MYO1A: variants seen among roughly 807,000 people sequenced by gnomAD.
MYO1A encodes unconventional myosin-Ia.
A neutral mutation model predicts 138.5 loss-of-function variants in MYO1A; 127 were observed. That is an observed-to-expected ratio of 0.92 (90% confidence interval 0.79 to 1.06). The LOEUF (loss-of-function observed/expected upper bound fraction) is 1.06. MYO1A is among the 50% of genes least tolerant of loss of function. The pLI is 0.00. For synonymous variants in MYO1A, 477 were observed against 497.5 expected, an observed-to-expected ratio of 0.96 and a Z score of 0.55; for missense variants, 1,211 against 1,288.8, an observed-to-expected ratio of 0.94 and a Z score of 0.92.
chr12:57,034,762 A>T (rs2030451106), intron 22 of MYO1A, among the ~76,000 whole-genome samples: 1 of 152,138 alleles, frequency 6.6e-6, no homozygotes, highest in Non-Finnish European at 1.5e-5. Flanking sequence ...TGAGGTCAGG[A>T]GTTCAAGACC....
chr12:57,031,402 C>T (rs755469337), intron 22 of MYO1A, among the ~76,000 whole-genome samples: 6 of 152,052 alleles, frequency 3.9e-5, no homozygotes, highest in South Asian at 2.1e-4. Context: ...AGGGAGAGAA[C>T]GATTAGTTCC....
chr12:57,033,775 A>G (rs1255442821), intron 22 of MYO1A, among the ~76,000 whole-genome samples: 2 of 152,232 alleles, frequency 1.3e-5, no homozygotes, highest in African/African-American at 4.8e-5. Flanking sequence ...TTTTTATGAA[A>G]AAGTTTTACT....
chr12:57,043,425 T>C, intron 10 of MYO1A, 67 bp from the exon 11 acceptor site: 3 of 1,477,114 alleles, frequency 2.0e-6, no homozygotes, highest in African/African-American at 1.4e-5. Flanking sequence ...GAGTGCAATC[T>C]GATAAGTGAA....
rs1419157174 is a variant in MYO1A, at chr12:57,044,156, C to T, written c.694G>A (p.Val232Ile). 3.7e-6 allele frequency: 6 copies of T among 1,614,220 alleles called. No homozygotes were observed. Among genetic ancestry groups the T allele is most frequent in the Admixed American group, 3.3e-5 (2 of 60,030 alleles). The change falls in exon 9 of 28, where the codon GTA becomes ATA. Residue 232 changes from valine to isoleucine, a missense_variant. Coordinates refer to ENST00000300119, the MANE Select transcript of MYO1A (RefSeq NM_005379.4). ...TTGYAYLNHE[V>I]SRVDGMDDAS... ...TCGTCCATGCCATCCACTCTGGATA[C>T]TTCATGATTCAGATAGGCATAGCCA...
At chr12:57,041,529 A>AG in intron 12 of MYO1A, 32 bp from the exon 13 acceptor site, 3 of 1,585,134 alleles carry the variant, frequency 1.9e-6, no homozygotes, top group Non-Finnish European at 2.6e-6. Flanking sequence ...ATCTGAGGAC[A>AG]GGCCCCCTCT....
At chr12:57,029,975 C>T (rs562296867) in intron 24 of MYO1A, 103 bp from the exon 25 acceptor site, 115 of 1,557,920 alleles carry the variant, frequency 7.4e-5, no homozygotes, top group Middle Eastern at 1.7e-4. Flanking sequence ...CCCACATCCA[C>T]GTATCCTCTG....
At position 57,036,858 on chromosome 12, in the gene MYO1A, GT is replaced by G; in HGVS notation, c.2206-19del. The G allele has an allele frequency of 6.2e-7, 1 of 1,614,158 alleles. No individual in the cohort carries two copies. The highest frequency in any genetic ancestry group is 8.5e-7 in the Non-Finnish European group (1 of 1,180,016). ...TTCTTTTGCTGTAGAAAACATAGGA[GT>G]TGTTAGAAAAATGGCACCTCCTGAG... On this transcript the variant is annotated intron_variant, in intron 20 of 27. Coordinates refer to ENST00000300119, the MANE Select transcript of MYO1A (RefSeq NM_005379.4).
intron 8 of MYO1A, 113 bp from the exon 9 acceptor site, chr12:57,044,322 T>C (rs763957407): frequency 3.5e-6 from 3 of 858,312 alleles, no homozygotes; most frequent in Admixed American, 2.0e-5. Flanking sequence ...TCCAAAGGAG[T>C]CATTTTTGTT....
chr12:57,029,289 G>T (rs1003146561), intron 26 of MYO1A, 30 bp from the exon 27 acceptor site: 2 of 1,613,702 alleles, frequency 1.2e-6, no homozygotes, highest in Non-Finnish European at 1.7e-6. Flanking sequence ...AGCAGGAAAG[G>T]GATTCATTTT....
intron 12 of MYO1A, among the ~76,000 whole-genome samples, chr12:57,042,122 C>T (rs2030886215): frequency 6.6e-6 from 1 of 152,194 alleles, no homozygotes; most frequent in South Asian, 2.1e-4. Context: ...ATCCTATACC[C>T]ATTATTAGTC....
chr12:57,032,733 G>A (rs1230063284), intron 22 of MYO1A, among the ~76,000 whole-genome samples: 1 of 152,146 alleles, frequency 6.6e-6, no homozygotes, highest in Non-Finnish European at 1.5e-5. Context: ...GAAGAGAGAG[G>A]ATCAGAGAGT....
Position 57,029,497 on chromosome 12 carries a change from T to C in MYO1A, c.2815A>G (p.Asn939Asp). ...CTGGTGACTGACACCCCAGCCACAT[T>C]GTCTAGCCCAATGACAATTTTGGCC... ...SQAKIVIGLD[N>D]VAGVSVTSLK... The change falls in exon 26 of 28, where the codon AAT (asparagine) becomes GAT (aspartate). Residue 939 changes from asparagine to aspartate, a missense_variant. Coordinates refer to ENST00000300119, the MANE Select transcript of MYO1A (RefSeq NM_005379.4). 6.2e-7 allele frequency: 1 copy of C among 1,614,196 alleles called. No individual in the cohort carries two copies. The highest frequency in any genetic ancestry group is 8.5e-7 in the Non-Finnish European group (1 of 1,180,028).
Position 57,033,516 on chromosome 12 carries a change from C to T in MYO1A, c.2350-2342G>A, listed in dbSNP as rs73114445. On this transcript the variant is annotated intron_variant, in intron 22 of 27. Coordinates refer to ENST00000300119, the MANE Select transcript of MYO1A (RefSeq NM_005379.4). The stretch of plus-strand genomic sequence containing the variant: ...GGACTACAGGTATGAGCCACCACAC[C>T]CACCTAATTTTTAAATTTTTTTTGT... Among the ~76,000 whole-genome samples, 1,388 of 152,226 alleles carry T rather than the reference C, an allele frequency of 9.1e-3. 12 individuals are homozygous for T. The highest frequency in any genetic ancestry group is 0.015 in the Non-Finnish European group (992 of 68,010).
At chr12:57,030,736 A>C (rs1349105452) in intron 23 of MYO1A, among the ~76,000 whole-genome samples, 2 of 152,164 alleles carry the variant, frequency 1.3e-5, no homozygotes, top group Non-Finnish European at 2.9e-5. Context: ...AGATTATAAG[A>C]TATCAGGGGC....
chr12:57,048,341 A>G lies in MYO1A; in HGVS notation c.-18T>C, dbSNP rs764520907. ...AGAGGCATGTCCAGAGGGGCCACTG[A>G]TCCTGGGAATAAGAGGCACAGTTTG... On this transcript the variant is annotated splice_region_variant and 5_prime_UTR_variant, in exon 2 of 28. Coordinates refer to ENST00000300119, the MANE Select transcript of MYO1A (RefSeq NM_005379.4). 11 of 1,575,824 alleles carry G rather than the reference A, an allele frequency of 7.0e-6. No individual in the cohort carries two copies. The highest frequency in any genetic ancestry group is 4.4e-6 in the Non-Finnish European group (5 of 1,145,506).
chr12:57,044,168 G>A lies in MYO1A; in HGVS notation c.682C>T (p.Leu228=). The A allele has an allele frequency of 6.2e-6, 10 of 1,614,170 alleles. No homozygotes were observed. The highest frequency in any genetic ancestry group is 8.5e-6 in the Non-Finnish European group (10 of 1,180,038). The part of the protein sequence containing the change: ...LERDTTGYAY[L]NHEVSRVDGM... ...TCCACTCTGGATACTTCATGATTCA[G>A]ATAGGCATAGCCAGTTGTATCCCGC... is the stretch of plus-strand genomic sequence containing the variant. The change falls in exon 9 of 28, where the codon CTG becomes TTG. Residue 228 remains leucine (L), a synonymous_variant. Transcript: ENST00000300119.
chr12:57,046,627 C>T lies in MYO1A; in HGVS notation c.565G>A (p.Val189Met), dbSNP rs143441408. Residue 189 changes from valine to methionine, a missense_variant, in exon 8 of 28, where the codon GTG becomes ATG. Transcript: ENST00000300119. ...TNYLLEKSRL[V>M]KQLKGERNFH... ...TTCCTTTCTCCTTTGAGCTGCTTCA[C>T]TAATCGGGATTTCTCAAGCAGATCT... 1.2e-4 allele frequency: 200 copies of T among 1,614,050 alleles called. No homozygotes were observed. Among genetic ancestry groups the T allele is most frequent in the Middle Eastern group, 8.2e-4 (5 of 6,062 alleles).
At chr12:57,037,843 T>C in intron 18 of MYO1A, 26 bp downstream of exon 18, 1 of 1,612,510 alleles carries the variant, frequency 6.2e-7, no homozygotes, top group Non-Finnish European at 8.5e-7. Flanking sequence ...CCTTTCCTGA[T>C]GCCCAGTCTC....
At chr12:57,044,349 C>T (rs2031000746) in intron 8 of MYO1A, 140 bp from the exon 9 acceptor site, 1 of 718,686 alleles carries the variant, frequency 1.4e-6, no homozygotes. Context: ...TCTTCCCCTG[C>T]CTCCTTTGTT....
Sources: allele counts gnomAD v4.1 joint callset (sites outside exome capture counted in the v4.1 genomes callset), GRCh38; gene constraint gnomAD v4.1.1; transcripts MANE v1.5; gene names NCBI Gene and HGNC (gene_info 2026-07-23, HGNC 2026-07-21).